The following CALCR variants were observed in gnomAD, a reference collection of about 807,000 sequenced individuals.
The protein encoded by CALCR is calcitonin receptor.
In CALCR, 47 loss-of-function variants were observed where a neutral mutation model predicts 59.5. The observed-to-expected ratio is 0.79, with a 90% CI of 0.63 to 1.01. CALCR has a LOEUF of 1.01. CALCR is among the 50% of genes least tolerant of loss of function. CALCR has a pLI of 0.00. For missense variants in CALCR, 566 were observed against 597.1 expected, an observed-to-expected ratio of 0.95 and a Z score of 0.54; for synonymous variants, 213 against 211.3, an observed-to-expected ratio of 1.01 and a Z score of -0.07.
intron 2 of CALCR, among the ~76,000 whole-genome samples, chr7:93,513,426 G>A (rs1276633134): frequency 6.6e-6 from 1 of 152,084 alleles, no homozygotes; most frequent in East Asian, 1.9e-4. Context: ...TCACAGAATA[G>A]CTGGTTTTAA....
At chr7:93,467,704 A>G (rs1466918769) in intron 7 of CALCR, among the ~76,000 whole-genome samples, 1 of 151,528 alleles carries the variant, frequency 6.6e-6, no homozygotes, top group Non-Finnish European at 1.5e-5. Context: ...TTAATCACAT[A>G]CCACATTTTT....
chr7:93,430,185 T>C (rs1375708726), intron 13 of CALCR, among the ~76,000 whole-genome samples: 1 of 152,146 alleles, frequency 6.6e-6, no homozygotes, highest in Admixed American at 6.5e-5. Flanking sequence ...TCCAGCCGCC[T>C]TGGCCTCCCA....
chr7:93,434,405 A>G (rs1799730169), intron 12 of CALCR, 111 bp from the exon 13 acceptor site: 1 of 669,566 alleles, frequency 1.5e-6, no homozygotes, highest in Non-Finnish European at 2.6e-6. Context: ...AAAAAAAAGC[A>G]AGAAAAAGAA....
At position 93,451,140 on chromosome 7, in the gene CALCR, A is replaced by G. The variant is rs77155411; in HGVS notation, c.649-7383T>C. Reference sequence around the variant, plus strand: ...TTTAAAAATATAGTTGCCTGTAAACATCGTAGTTAAATTTTGATAGTATAC... The same window carrying G: ...TTTAAAAATATAGTTGCCTGTAAACGTCGTAGTTAAATTTTGATAGTATAC... On this transcript the variant is annotated intron_variant, in intron 8 of 13. Transcript: ENST00000426151. Among the ~76,000 whole-genome samples, 1,500 of 152,092 alleles carry G rather than the reference A, an allele frequency of 9.9e-3. 29 individuals are homozygous for G. Among genetic ancestry groups the G allele is most frequent in the African/African-American group, 0.035 (1,433 of 41,532 alleles).
At chr7:93,542,747 A>G (rs1789177924) in intron 2 of CALCR, among the ~76,000 whole-genome samples, 1 of 151,948 alleles carries the variant, frequency 6.6e-6, no homozygotes, top group Admixed American at 6.6e-5. Context: ...TTCTTTTTAA[A>G]CTTTTTTGTT....
intron 2 of CALCR, among the ~76,000 whole-genome samples, chr7:93,487,708 T>C (rs1237431410): frequency 1.3e-5 from 2 of 151,492 alleles, no homozygotes; most frequent in Non-Finnish European, 3.0e-5. Flanking sequence ...GAAAAATACA[T>C]ATATTTCTTT....
At chr7:93,461,554 C>T (rs1800337733) in intron 7 of CALCR, among the ~76,000 whole-genome samples, 1 of 152,124 alleles carries the variant, frequency 6.6e-6, no homozygotes, top group South Asian at 2.1e-4. Context: ...GGAGCTCAGA[C>T]ACAGGCAGAG....
At chr7:93,573,610 T>C (rs1790052706) in intron 2 of CALCR, among the ~76,000 whole-genome samples, 1 of 152,244 alleles carries the variant, frequency 6.6e-6, no homozygotes, top group Non-Finnish European at 1.5e-5. Context: ...GTATTGTTGA[T>C]TTTTGACTTG....
chr7:93,460,971 C>T, intron 7 of CALCR, 24 bp from the exon 8 acceptor site: 1 of 1,581,014 alleles, frequency 6.3e-7, no homozygotes, highest in Non-Finnish European at 8.6e-7. Flanking sequence ...TAACATAAAG[C>T]ATTAACCAGT....
intron 2 of CALCR, among the ~76,000 whole-genome samples, chr7:93,503,913 C>T (rs955920649): frequency 2.0e-5 from 3 of 152,146 alleles, no homozygotes; most frequent in Non-Finnish European, 4.4e-5. Flanking sequence ...AGGCTTCATT[C>T]ATGATATCAA....
rs1014941110 is a variant in CALCR at position 93,427,361 on chromosome 7, C to T, written c.1192-772G>A. 1.5e-4 allele frequency among the ~76,000 whole-genome samples: 23 copies of T among 152,270 alleles called. No individual in the cohort carries two copies. In the East Asian group the frequency reaches 3.9e-3, roughly 26 times the overall value. ...CGAATTCAATTTAGTAGTTAAGTTC[C>T]TCCTTCCTGTTGTCTCCAAACTTCT... is the stretch of plus-strand genomic sequence containing the variant. On this transcript the variant is annotated intron_variant, in intron 13 of 13. Transcript: ENST00000426151.
intron 2 of CALCR, chr7:93,496,011 A>G (rs77297506): frequency 0.026 from 29,968 of 1,135,732 alleles, 505 homozygotes; most frequent in Non-Finnish European, 0.032. Context: ...TAAATCAATG[A>G]TAATGATTGA....
At chr7:93,573,240 G>A (rs951944421) in intron 2 of CALCR, among the ~76,000 whole-genome samples, 5 of 152,092 alleles carry the variant, frequency 3.3e-5, no homozygotes, top group African/African-American at 1.2e-4. Context: ...GTCCTTAATG[G>A]TAAGTCAACT....
At chr7:93,512,247 T>C (rs947112332) in intron 2 of CALCR, among the ~76,000 whole-genome samples, 7 of 152,174 alleles carry the variant, frequency 4.6e-5, no homozygotes, top group Admixed American at 1.3e-4. Context: ...CCAGGCATCA[T>C]GCTATTTACT....
chr7:93,560,534 A>T (rs1434640576), intron 2 of CALCR, among the ~76,000 whole-genome samples: 1 of 152,040 alleles, frequency 6.6e-6, no homozygotes, highest in East Asian at 1.9e-4. Context: ...TACTTTTCAG[A>T]TCATCTGAAA....
chr7:93,555,374 G>A (rs1322080503), intron 2 of CALCR, among the ~76,000 whole-genome samples: 2 of 152,036 alleles, frequency 1.3e-5, no homozygotes, highest in African/African-American at 4.8e-5. Context: ...GAAAAAGGCT[G>A]ACTCATTACT....
intron 12 of CALCR, 96 bp from the exon 13 acceptor site, chr7:93,434,390 A>G: frequency 3.6e-6 from 1 of 280,788 alleles, no homozygotes; most frequent in Non-Finnish European, 6.4e-6. Flanking sequence ...AGGCCTGATG[A>G]AAAAAAAAAA....
In CALCR at chr7:93,435,952, C is replaced by T; in HGVS notation, c.1149G>A (p.Gln383=). 6.3e-7 allele frequency: 1 copy of T among 1,596,958 alleles called. No individual in the cohort carries two copies. The highest frequency in any genetic ancestry group is 8.6e-7 in the Non-Finnish European group (1 of 1,164,490). Residue 383 remains glutamine (Q), a splice_region_variant and synonymous_variant, in exon 12 of 14, where the codon CAG becomes CAA. Transcript: ENST00000426151. ...DYVMHSLIHF[Q]GFFVATIYCF... ...ATAAATACACCTTTGGCTTCCTTAC[C>T]TGGAAATGAATCAGAGAGTGCATCA... is the stretch of plus-strand genomic sequence containing the variant.
chr7:93,529,171 G>A (rs919582519), intron 2 of CALCR, among the ~76,000 whole-genome samples: 3 of 152,152 alleles, frequency 2.0e-5, no homozygotes, highest in Non-Finnish European at 1.5e-5. Flanking sequence ...CTAGTGGGAG[G>A]TGATTGGACC....
Sources: gnomAD v4.1 joint callset for allele counts (sites outside exome capture counted in the v4.1 genomes callset) on GRCh38, gnomAD v4.1.1 for gene constraint, MANE v1.5 for transcripts, NCBI Gene and HGNC (gene_info 2026-07-23, HGNC 2026-07-21) for gene names.